The following NLGN4Y variants were observed in gnomAD, a reference collection of about 807,000 sequenced individuals.
The protein encoded by NLGN4Y is neuroligin-4, Y-linked.
In NLGN4Y, 4 loss-of-function variants were observed where a neutral mutation model predicts 8.4. That is an observed-to-expected ratio of 0.48 (90% confidence interval 0.23 to 1.09). NLGN4Y has a LOEUF of 1.09. NLGN4Y is among the 50% of genes least tolerant of loss of function. The pLI, the probability that NLGN4Y is intolerant of heterozygous loss-of-function variation, is 0.19. For missense variants in NLGN4Y, 90 were observed against 192.3 expected, an observed-to-expected ratio of 0.47 and a Z score of 3.15; for synonymous variants, 35 against 75.6, an observed-to-expected ratio of 0.46 and a Z score of 2.78.
rs894602628 is a variant in NLGN4Y at position 14,687,623 on chromosome Y, C to A, written c.473-31836C>A. Among the ~76,000 whole-genome samples the A allele has an allele frequency of 1.2e-4, 4 of 32,655 alleles. No homozygotes were observed. In the East Asian group the frequency reaches 3.3e-3, roughly 27 times the overall value. The allele number at this position is 32,655 out of a possible 37,273, so 87.6% of individuals were successfully genotyped here. A position where few individuals can be genotyped will look rare whatever the true frequency, so the allele number is the denominator to read the frequency against. On this transcript the variant is annotated intron_variant, in intron 2 of 6. Coordinates refer to ENST00000684976, the MANE Select transcript of NLGN4Y (RefSeq NM_001365588.1). ...TGAGAACAGTATAGGAAATATCCAT[C>A]CCCATGATTCTGTTACCTCCCATTA...
chrY:14,601,127 C>G (rs2080425216), intron 1 of NLGN4Y, among the ~76,000 whole-genome samples: 1 of 29,565 alleles, frequency 3.4e-5, no homozygotes, highest in Non-Finnish European at 8.0e-5. Context: ...GAGACAGAGT[C>G]TCCCTCTGTC....
chrY:14,784,348 C>G, intron 4 of NLGN4Y, among the ~76,000 whole-genome samples: 1 of 33,952 alleles, frequency 2.9e-5, no homozygotes, highest in African/African-American at 1.1e-4. Context: ...TATACCCAAA[C>G]AATTAGAAAT....
intron 2 of NLGN4Y, among the ~76,000 whole-genome samples, chrY:14,638,195 C>A (rs941325047): frequency 3.1e-5 from 1 of 32,351 alleles, no homozygotes; most frequent in Non-Finnish European, 7.5e-5. Flanking sequence ...CACCAACAGG[C>A]CTCAGTGTGG....
At chrY:14,781,710 G>C in intron 4 of NLGN4Y, among the ~76,000 whole-genome samples, 1 of 33,386 alleles carries the variant, frequency 3.0e-5, no homozygotes, top group African/African-American at 1.2e-4. Flanking sequence ...GCCCTCCATT[G>C]ATTGACTTAA....
At chrY:14,691,510 T>C (rs2080809301) in intron 2 of NLGN4Y, among the ~76,000 whole-genome samples, 1 of 33,490 alleles carries the variant, frequency 3.0e-5, no homozygotes, top group South Asian at 6.7e-4. Context: ...TTTAGACAGC[T>C]TATATGATTG....
Position 14,844,199 on chromosome Y carries a change from G to A in NLGN4Y, c.*2937G>A. Reference sequence around the variant, plus strand: ...CCCTGTTTGGTGAAGCTCCTGAGATGACACTGCCTGAAAATGAGTATTTGG... The same window carrying A: ...CCCTGTTTGGTGAAGCTCCTGAGATAACACTGCCTGAAAATGAGTATTTGG... On this transcript the variant is annotated 3_prime_UTR_variant, in exon 7 of 7. Transcript: ENST00000684976. 1 of 83,117 alleles carries A rather than the reference G, an allele frequency of 1.2e-5. No individual in the cohort carries two copies. The highest frequency in any genetic ancestry group is 6.1e-5 in the South Asian group (1 of 16,262). The allele number at this position is 83,117 out of a possible 400,897, so 20.7% of individuals were successfully genotyped here. A position where few individuals can be genotyped will look rare whatever the true frequency, so the allele number is the denominator to read the frequency against.
chrY:14,526,565 C>T, intron 1 of NLGN4Y, among the ~76,000 whole-genome samples: 1 of 30,531 alleles, frequency 3.3e-5, no homozygotes, highest in African/African-American at 1.3e-4. Context: ...GGATTAAAAT[C>T]GGAGGCTTGA....
intron 1 of NLGN4Y, among the ~76,000 whole-genome samples, chrY:14,564,479 A>T: frequency 3.0e-5 from 1 of 33,296 alleles, no homozygotes. Flanking sequence ...AGGTGGTTTT[A>T]TGGCCACAGT....
intron 4 of NLGN4Y, among the ~76,000 whole-genome samples, chrY:14,736,568 C>A: frequency 3.1e-5 from 1 of 32,575 alleles, no homozygotes; most frequent in Non-Finnish European, 7.5e-5. Flanking sequence ...GCTGTGTCTG[C>A]ATCCAAATCT....
chrY:14,685,910 T>G, intron 2 of NLGN4Y, among the ~76,000 whole-genome samples: 1 of 32,941 alleles, frequency 3.0e-5, no homozygotes, highest in Non-Finnish European at 7.5e-5. Flanking sequence ...CCACCCCACC[T>G]CAGGCTTCCT....
At chrY:14,550,475 T>C in intron 1 of NLGN4Y, among the ~76,000 whole-genome samples, 2 of 34,032 alleles carry the variant, frequency 5.9e-5, no homozygotes, top group Non-Finnish European at 1.5e-4. Context: ...CATAGCAACC[T>C]TGGTCTTTAC....
At chrY:14,763,740 G>T (rs2081087236) in intron 4 of NLGN4Y, among the ~76,000 whole-genome samples, 1 of 33,281 alleles carries the variant, frequency 3.0e-5, no homozygotes, top group Non-Finnish European at 7.4e-5. Flanking sequence ...GTTTTACATT[G>T]CCCTTGGTTC....
chrY:14,529,078 CAT>C (rs2080102240), intron 1 of NLGN4Y, among the ~76,000 whole-genome samples: 2 of 32,549 alleles, frequency 6.1e-5, no homozygotes, highest in Admixed American at 5.7e-4. Flanking sequence ...TCACCCCAGA[CAT>C]GTGATTTTAT....
At chrY:14,592,230 G>T in intron 1 of NLGN4Y, among the ~76,000 whole-genome samples, 1 of 32,897 alleles carries the variant, frequency 3.0e-5, no homozygotes, top group East Asian at 8.0e-4. Flanking sequence ...TCTAGTCTGA[G>T]TTAGAGGTAG....
At chrY:14,820,156 C>T (rs2043117565) in intron 4 of NLGN4Y, among the ~76,000 whole-genome samples, 1 of 32,948 alleles carries the variant, frequency 3.0e-5, no homozygotes, top group East Asian at 8.1e-4. Flanking sequence ...CAATAAATGT[C>T]GGATTTAGTA....
intron 2 of NLGN4Y, among the ~76,000 whole-genome samples, chrY:14,699,845 G>A: frequency 3.1e-5 from 1 of 32,568 alleles, no homozygotes; most frequent in East Asian, 8.1e-4. Flanking sequence ...AAGCTTACAT[G>A]TTGGCCCAAA....
chrY:14,587,317 C>T (rs2080345032), intron 1 of NLGN4Y, among the ~76,000 whole-genome samples: 1 of 33,796 alleles, frequency 3.0e-5, no homozygotes, highest in Non-Finnish European at 7.3e-5. Context: ...GCTTATTTGA[C>T]GTTGGCTGAA....
intron 1 of NLGN4Y, among the ~76,000 whole-genome samples, chrY:14,557,510 G>A (rs1010694067): frequency 6.1e-5 from 2 of 33,026 alleles, no homozygotes; most frequent in Non-Finnish European, 1.5e-4. Context: ...TTACTAGAAC[G>A]GAGATTAACT....
intron 4 of NLGN4Y, among the ~76,000 whole-genome samples, chrY:14,784,207 A>G: frequency 2.9e-5 from 1 of 34,009 alleles, no homozygotes; most frequent in East Asian, 7.6e-4. Flanking sequence ...AAGGTTGTAG[A>G]GAATAGGAAA....
Sources: allele counts gnomAD v4.1 joint callset (sites outside exome capture counted in the v4.1 genomes callset), GRCh38; gene constraint gnomAD v4.1.1; transcripts MANE v1.5; gene names NCBI Gene and HGNC (gene_info 2026-07-23, HGNC 2026-07-21).